The following ZNF385D variants were observed in gnomAD, a reference collection of about 807,000 sequenced individuals.
The protein encoded by ZNF385D is zinc finger protein 659.
A neutral mutation model predicts 35.8 loss-of-function variants in ZNF385D; 15 were observed. That is an observed-to-expected ratio of 0.42 (90% CI 0.28 to 0.64). The LOEUF (loss-of-function observed/expected upper bound fraction) is 0.64. ZNF385D is among the 30% of genes least tolerant of loss of function. ZNF385D has a pLI of 0.23. For missense variants in ZNF385D, 474 were observed against 494.6 expected (o/e 0.96, Z 0.39); for synonymous variants, 212 against 186.8 (o/e 1.13, Z -1.10).
chr3:21,629,840 G>A (rs1277406184), intron 2 of ZNF385D, among the ~76,000 whole-genome samples: 1 of 152,114 alleles, frequency 6.6e-6, no homozygotes, highest in Non-Finnish European at 1.5e-5. Flanking sequence ...TGGACTGGCT[G>A]ACTCTAGAAC....
intron 3 of ZNF385D, among the ~76,000 whole-genome samples, chr3:22,026,891 T>A (rs1697589637): frequency 6.6e-6 from 1 of 152,198 alleles, no homozygotes; most frequent in African/African-American, 2.4e-5. Flanking sequence ...GACAGAGGGA[T>A]CTTGGAGAAT....
At chr3:21,777,310 A>G (rs1003904617) in intron 3 of ZNF385D, among the ~76,000 whole-genome samples, 1 of 152,078 alleles carries the variant, frequency 6.6e-6, no homozygotes, top group Non-Finnish European at 1.5e-5. Context: ...AAAAATAAAT[A>G]TTTATAAAAT....
Position 21,412,255 on chromosome 3 carries a change from C to T in ZNF385D, c.*8959G>A, listed in dbSNP as rs943187760. ...AGATATTTTACTTTTTTTCTTTAAT[C>T]AGCACATTTCTTTTGATAAATAGTC... On this transcript the variant is annotated 3_prime_UTR_variant, in exon 8 of 8. Coordinates refer to ENST00000281523, the MANE Select transcript of ZNF385D (RefSeq NM_024697.3). 2 of 151,950 alleles carry T rather than the reference C, an allele frequency of 1.3e-5. No individual in the cohort carries two copies. Among genetic ancestry groups the T allele is most frequent in the Non-Finnish European group, 2.9e-5 (2 of 67,934 alleles). The allele number at this position is 151,950 out of a possible 1,614,324, so 9.4% of individuals were successfully genotyped here. A position where few individuals can be genotyped will look rare whatever the true frequency, so the allele number is the denominator to read the frequency against.
intron 2 of ZNF385D, among the ~76,000 whole-genome samples, chr3:22,178,913 C>A (rs1220272689): frequency 6.6e-6 from 1 of 152,096 alleles, no homozygotes; most frequent in Admixed American, 6.6e-5. Flanking sequence ...GGCATTATTT[C>A]TGAGGGCTCT....
Position 21,963,205 on chromosome 3 carries a change from G to A in ZNF385D, c.325+205612C>T, listed in dbSNP as rs567403641. ...CGGATGTTCCACTTATAACTCTGTG[G>A]CAGCAGTCATGTGGGAGAAGTTTAT... On this transcript the variant is annotated intron_variant, in intron 3 of 5. Transcript: ENST00000494108. Among the ~76,000 whole-genome samples the A allele has an allele frequency of 2.6e-5, 4 of 152,260 alleles. No homozygotes were observed. The East Asian group carries it at 5.8e-4, about 22-fold the overall frequency.
intron 3 of ZNF385D, among the ~76,000 whole-genome samples, chr3:22,155,264 T>C (rs1003627831): frequency 1.3e-5 from 2 of 152,096 alleles, no homozygotes; most frequent in East Asian, 3.9e-4. Context: ...GGTAAAGAAA[T>C]TATTTCAGAA....
rs151073004 is a variant in ZNF385D at position 22,222,608 on chromosome 3, G to A, written c.107-53573C>T. On this transcript the variant is annotated intron_variant, in intron 2 of 5. Coordinates refer to the ZNF385D transcript ENST00000494108. The stretch of plus-strand genomic sequence containing the variant: ...TAGCAGGACAATGGACTAGCTATAC[G>A]ACTGTGGGGAAGCTACTTACTGCTC... Among the ~76,000 whole-genome samples, 858 of 152,226 alleles carry A rather than the reference G, an allele frequency of 5.6e-3. 5 individuals are homozygous for A. Among genetic ancestry groups the A allele is most frequent in the African/African-American group, 0.019 (803 of 41,550 alleles).
At chr3:22,059,453 T>A (rs531957577) in intron 3 of ZNF385D, among the ~76,000 whole-genome samples, 2 of 152,294 alleles carry the variant, frequency 1.3e-5, no homozygotes, top group Admixed American at 1.3e-4. Context: ...TTAAGAATAT[T>A]TTCTTCTAGG....
chr3:21,621,815 T>C (rs538840937), intron 2 of ZNF385D, among the ~76,000 whole-genome samples: 54 of 151,432 alleles, frequency 3.6e-4, no homozygotes, highest in South Asian at 2.1e-3. Flanking sequence ...ACTAATTTTA[T>C]GTCTTCTGTT....
At chr3:22,133,314 G>A (rs1047115288) in intron 3 of ZNF385D, among the ~76,000 whole-genome samples, 3 of 151,956 alleles carry the variant, frequency 2.0e-5, no homozygotes, top group South Asian at 2.1e-4. Context: ...TAAAAAAGCA[G>A]TCTCCTCAGA....
At chr3:21,710,106 G>GAA (rs1170801905) in intron 1 of ZNF385D, among the ~76,000 whole-genome samples, 1 of 152,122 alleles carries the variant, frequency 6.6e-6, no homozygotes, top group Non-Finnish European at 1.5e-5. Context: ...TACAGAAACA[G>GAA]ATATCAGACA....
chr3:21,440,182 G>A (rs1301086877), intron 4 of ZNF385D, among the ~76,000 whole-genome samples: 1 of 151,976 alleles, frequency 6.6e-6, no homozygotes, highest in Admixed American at 6.6e-5. Context: ...CATACATATA[G>A]CAAAGAAGTT....
intron 4 of ZNF385D, among the ~76,000 whole-genome samples, chr3:21,475,161 A>C (rs1487888363): frequency 1.3e-5 from 2 of 151,972 alleles, no homozygotes; most frequent in Non-Finnish European, 2.9e-5. Context: ...TTTTTGAATT[A>C]TTTATGTTAT....
At position 22,252,205 on chromosome 3, in the gene ZNF385D, C is replaced by A. The variant is rs76068203; in HGVS notation, c.107-83170G>T. Among the ~76,000 whole-genome samples, 788 of 152,084 alleles carry A rather than the reference C, an allele frequency of 5.2e-3. 7 individuals carry two copies. Among genetic ancestry groups the A allele is most frequent in the African/African-American group, 0.018 (734 of 41,512 alleles). On this transcript the variant is annotated intron_variant, in intron 2 of 5. Transcript: ENST00000494108. ...AAGAATTGATTTAGCAAGGTTTATACAATTGCATGCTTAGCACATGTTTTA... is the reference window on the plus strand; with the variant it reads ...AAGAATTGATTTAGCAAGGTTTATAAAATTGCATGCTTAGCACATGTTTTA...
At chr3:22,131,368 TA>T (rs145472163) in intron 3 of ZNF385D, among the ~76,000 whole-genome samples, 19 of 151,330 alleles carry the variant, frequency 1.3e-4, no homozygotes, top group Non-Finnish European at 2.5e-4. Flanking sequence ...TGGAGTAGAT[TA>T]AAAAAAAAGT....
intron 3 of ZNF385D, among the ~76,000 whole-genome samples, chr3:21,825,224 C>T (rs138129142): frequency 4.7e-4 from 71 of 152,280 alleles, no homozygotes; most frequent in African/African-American, 1.5e-3. Context: ...AAATGACAAG[C>T]ACCAAAGGGA....
upstream of ZNF385D, among the ~76,000 whole-genome samples, chr3:21,752,189 T>C (rs751012474): frequency 2.6e-5 from 4 of 152,184 alleles, no homozygotes; most frequent in Admixed American, 6.5e-5. Flanking sequence ...TGATTAATAC[T>C]TAAATGCACA....
At chr3:21,767,324 A>G (rs1318099640) in intron 3 of ZNF385D, among the ~76,000 whole-genome samples, 1 of 151,792 alleles carries the variant, frequency 6.6e-6, no homozygotes, top group Non-Finnish European at 1.5e-5. Context: ...AATTTTACTC[A>G]TTCTTTCTCC....
intron 6 of ZNF385D, among the ~76,000 whole-genome samples, chr3:21,424,305 A>ATATATACATATATATATATT (rs1575118998): frequency 2.1e-5 from 1 of 48,548 alleles, no homozygotes; most frequent in Non-Finnish European, 4.0e-5. Context: ...ATATATTTAT[A>ATATATACATATATATATATT]TATATATATA....
Sources: allele counts gnomAD v4.1 joint callset (sites outside exome capture counted in the v4.1 genomes callset), GRCh38; gene constraint gnomAD v4.1.1; transcripts MANE v1.5; gene names NCBI Gene and HGNC (gene_info 2026-07-23, HGNC 2026-07-21).